Variants in PRKCA observed in about 807,000 individuals in gnomAD.
The protein encoded by PRKCA is protein kinase C alpha, also known as protein kinase C alpha type.
In PRKCA, 27 loss-of-function variants were observed where a neutral mutation model predicts 87.0. The observed-to-expected ratio is 0.31, with a 90% CI of 0.23 to 0.43. The LOEUF is 0.43. PRKCA is among the 20% of genes least tolerant of loss of function. The pLI, the probability that PRKCA is intolerant of heterozygous loss-of-function variation, is 1.00. For synonymous variants in PRKCA, 329 were observed against 311.1 expected, an observed-to-expected ratio of 1.06 and a Z score of -0.61; for missense variants, 518 against 852.3, an observed-to-expected ratio of 0.61 and a Z score of 4.88.
chr17:66,655,790 G>A (rs1002140231), intron 5 of PRKCA, among the ~76,000 whole-genome samples: 1 of 152,104 alleles, frequency 6.6e-6, no homozygotes, highest in African/African-American at 2.4e-5. Flanking sequence ...AAATCCAGGT[G>A]ACTCTCCCCA....
At chr17:66,328,994 G>A (rs1254824790) in intron 2 of PRKCA, among the ~76,000 whole-genome samples, 1 of 152,212 alleles carries the variant, frequency 6.6e-6, no homozygotes, top group African/African-American at 2.4e-5. Flanking sequence ...CAAGGAGGTG[G>A]CCTGATTAGT....
At chr17:66,437,540 G>C (rs1268175006) in intron 2 of PRKCA, among the ~76,000 whole-genome samples, 1 of 152,118 alleles carries the variant, frequency 6.6e-6, no homozygotes, top group East Asian at 1.9e-4. Flanking sequence ...CAAAGAATTT[G>C]CTTTTTCTCA....
chr17:66,444,592 A>G (rs1223299067), intron 2 of PRKCA, among the ~76,000 whole-genome samples: 1 of 152,010 alleles, frequency 6.6e-6, no homozygotes, highest in Non-Finnish European at 1.5e-5. Context: ...AAAATACTGC[A>G]TGTTATCAGG....
In PRKCA at chr17:66,492,898, A is replaced by T. The variant is rs188591840; in HGVS notation, c.206-3303A>T. ...GGGCTGTTTTCTTCGATTCACACTCACCTCCTCCTGCCCCTGACTGTGCAG... is the reference window on the plus strand; with the variant it reads ...GGGCTGTTTTCTTCGATTCACACTCTCCTCCTCCTGCCCCTGACTGTGCAG... On this transcript the variant is annotated intron_variant, in intron 2 of 16. Coordinates refer to ENST00000413366, the MANE Select transcript of PRKCA (RefSeq NM_002737.3). Among the ~76,000 whole-genome samples the T allele has an allele frequency of 3.1e-3, 467 of 152,246 alleles. 3 individuals are homozygous for T. The highest frequency in any genetic ancestry group is 0.011 in the African/African-American group (437 of 41,554).
At chr17:66,697,205 AG>A (rs1452403578) in intron 8 of PRKCA, among the ~76,000 whole-genome samples, 1 of 152,254 alleles carries the variant, frequency 6.6e-6, no homozygotes, top group Non-Finnish European at 1.5e-5. Flanking sequence ...AATTCTAAAA[AG>A]TAAATAGCTA....
At chr17:66,787,939 T>A (rs1484140990) in intron 15 of PRKCA, among the ~76,000 whole-genome samples, 1 of 152,244 alleles carries the variant, frequency 6.6e-6, no homozygotes, top group Non-Finnish European at 1.5e-5. Context: ...TCCTTATCCA[T>A]TCTACTTCTG....
intron 5 of PRKCA, among the ~76,000 whole-genome samples, chr17:66,651,885 C>A (rs1971599760): frequency 6.6e-6 from 1 of 152,182 alleles, no homozygotes; most frequent in Admixed American, 6.5e-5. Flanking sequence ...AATAAGGAAT[C>A]TGGATGTCAT....
chr17:66,722,881 C>G (rs1973648328), intron 8 of PRKCA, among the ~76,000 whole-genome samples: 1 of 152,242 alleles, frequency 6.6e-6, no homozygotes, highest in Non-Finnish European at 1.5e-5. Flanking sequence ...TCACTTCATT[C>G]TATTCACAAC....
At chr17:66,674,159 G>C (rs1331059802) in intron 5 of PRKCA, among the ~76,000 whole-genome samples, 2 of 152,336 alleles carry the variant, frequency 1.3e-5, no homozygotes, top group East Asian at 3.9e-4. Context: ...GGATGCGAGG[G>C]GGTGTGGCCC....
intron 13 of PRKCA, among the ~76,000 whole-genome samples, chr17:66,744,696 T>C (rs1239962090): frequency 6.6e-6 from 1 of 152,252 alleles, no homozygotes; most frequent in Non-Finnish European, 1.5e-5. Flanking sequence ...CTGTAACAGA[T>C]AACCACAAAC....
intron 2 of PRKCA, among the ~76,000 whole-genome samples, chr17:66,446,533 T>TG (rs199960914): frequency 1.3e-5 from 2 of 152,236 alleles, no homozygotes; most frequent in East Asian, 3.9e-4. Flanking sequence ...GTTGCATTGT[T>TG]GATGTGGCTA....
chr17:66,515,726 G>A (rs556416989), intron 3 of PRKCA, among the ~76,000 whole-genome samples: 2 of 152,082 alleles, frequency 1.3e-5, no homozygotes, highest in Non-Finnish European at 2.9e-5. Flanking sequence ...TATATTTTTA[G>A]TAGAGATGGG....
At chr17:66,644,316 CAAAAT>C (rs1409731578) in intron 4 of PRKCA, among the ~76,000 whole-genome samples, 1 of 152,150 alleles carries the variant, frequency 6.6e-6, no homozygotes, top group African/African-American at 2.4e-5. Context: ...ATTAAACACT[CAAAAT>C]GAAACGGAAA....
chr17:66,674,643 G>A (rs1174625075), intron 5 of PRKCA, among the ~76,000 whole-genome samples: 1 of 152,166 alleles, frequency 6.6e-6, no homozygotes, highest in African/African-American at 2.4e-5. Context: ...GTAAATGGTA[G>A]GAAACAGATT....
intron 13 of PRKCA, among the ~76,000 whole-genome samples, chr17:66,750,543 C>T (rs1350397124): frequency 6.6e-6 from 1 of 152,190 alleles, no homozygotes; most frequent in Non-Finnish European, 1.5e-5. Context: ...ATTCTCCCCG[C>T]CTTGGAGTTT....
chr17:66,774,814 C>G (rs1975011950), intron 14 of PRKCA: 1 of 985,366 alleles, frequency 1.0e-6, no homozygotes, highest in African/African-American at 1.7e-5. Context: ...ATAGTTTCTC[C>G]CCATCTCCTC....
At chr17:66,618,629 C>T (rs991278955) in intron 3 of PRKCA, among the ~76,000 whole-genome samples, 3 of 152,096 alleles carry the variant, frequency 2.0e-5, no homozygotes, top group Non-Finnish European at 4.4e-5. Flanking sequence ...AAAGATAAGT[C>T]GTAGACATCA....
intron 2 of PRKCA, among the ~76,000 whole-genome samples, chr17:66,429,041 C>A (rs1175430550): frequency 6.6e-6 from 1 of 152,138 alleles, no homozygotes; most frequent in East Asian, 1.9e-4. Flanking sequence ...ATAAAGAACA[C>A]CTTTTTTGTC....
intron 14 of PRKCA, chr17:66,777,211 T>G (rs1975075777): frequency 1.0e-6 from 1 of 985,324 alleles, no homozygotes; most frequent in South Asian, 4.7e-5. Flanking sequence ...ACTGTGACCA[T>G]GAACGTCATC....
Sources: allele counts gnomAD v4.1 joint callset (sites outside exome capture counted in the v4.1 genomes callset), GRCh38; gene constraint gnomAD v4.1.1; transcripts MANE v1.5; gene names NCBI Gene and HGNC (gene_info 2026-07-23, HGNC 2026-07-21).